The following REEP3 variants were observed in gnomAD, a reference collection of about 807,000 sequenced individuals.
The protein encoded by REEP3 is receptor expression-enhancing protein 3.
A neutral mutation model predicts 41.3 loss-of-function variants in REEP3; 20 were observed. That is an observed-to-expected ratio of 0.48 (90% CI 0.34 to 0.70). The LOEUF is 0.70. Among genes scored for constraint, REEP3 ranks in the 30% least tolerant of loss-of-function variants. REEP3 has a pLI of 0.01. For missense variants in REEP3, 271 were observed against 308.8 expected (o/e 0.88, Z 0.92); for synonymous variants, 104 against 101.8 (o/e 1.02, Z -0.13).
chr10:63,592,431 G>A (rs955383480), intron 2 of REEP3, among the ~76,000 whole-genome samples: 2 of 152,052 alleles, frequency 1.3e-5, no homozygotes, highest in African/African-American at 4.8e-5. Context: ...GTATTTACAG[G>A]GTTTTTTGTT....
At chr10:63,618,013 C>T (rs1352522895) in intron 6 of REEP3, among the ~76,000 whole-genome samples, 4 of 150,778 alleles carry the variant, frequency 2.7e-5, no homozygotes, top group East Asian at 2.0e-4. Flanking sequence ...TTAGTAGAGT[C>T]GGGTGTTTCA....
At chr10:63,537,201 G>A (rs1955482822) in intron 1 of REEP3, among the ~76,000 whole-genome samples, 2 of 152,152 alleles carry the variant, frequency 1.3e-5, no homozygotes, top group Admixed American at 1.3e-4. Context: ...CAACTTGGAT[G>A]ACCGTTAGGA....
In REEP3 at chr10:63,624,298, T is replaced by G. The variant is rs1956379370; in HGVS notation, c.*3429T>G. The G allele has an allele frequency of 6.6e-6, 1 of 152,090 alleles. No homozygotes were observed. Among genetic ancestry groups the G allele is most frequent in the Non-Finnish European group, 1.5e-5 (1 of 67,944 alleles). 9.4% of individuals were successfully genotyped at this position (152,090 alleles called of 1,614,324 possible). A position where few individuals can be genotyped will look rare whatever the true frequency, so the allele number is the denominator to read the frequency against. ...AAGATTAAATTTTTCAGAAAGAAAA[T>G]TATAGCTTTTTTCCCAAAATATTTT... On this transcript the variant is annotated 3_prime_UTR_variant, in exon 8 of 8. Coordinates refer to ENST00000373758, the MANE Select transcript of REEP3 (RefSeq NM_001001330.3).
At chr10:63,544,851 T>C (rs2133354637) in intron 1 of REEP3, among the ~76,000 whole-genome samples, 1 of 152,324 alleles carries the variant, frequency 6.6e-6, no homozygotes, top group East Asian at 1.9e-4. Flanking sequence ...GTTAAGATTT[T>C]GAGAAGACGA....
chr10:63,528,282 T>G (rs1955385687), intron 1 of REEP3, among the ~76,000 whole-genome samples: 1 of 152,046 alleles, frequency 6.6e-6, no homozygotes, highest in African/African-American at 2.4e-5. Context: ...TCTGGCAGCT[T>G]TCCCCCACTC....
At chr10:63,567,699 A>G (rs1340287729) in intron 2 of REEP3, among the ~76,000 whole-genome samples, 1 of 152,168 alleles carries the variant, frequency 6.6e-6, no homozygotes, top group Non-Finnish European at 1.5e-5. Flanking sequence ...TTTGGGATAT[A>G]TAGCTGTGGT....
At chr10:63,575,029 T>C (rs1955886413) in intron 2 of REEP3, among the ~76,000 whole-genome samples, 1 of 151,880 alleles carries the variant, frequency 6.6e-6, no homozygotes, top group African/African-American at 2.4e-5. Flanking sequence ...GCTAATTTTG[T>C]ATTTTTAGAA....
intron 2 of REEP3, among the ~76,000 whole-genome samples, chr10:63,592,044 G>A (rs947115205): frequency 1.3e-5 from 2 of 152,204 alleles, no homozygotes; most frequent in Non-Finnish European, 2.9e-5. Flanking sequence ...TTTCTGTGAA[G>A]TGAGCCATAT....
chr10:63,611,861 G>T (rs368287504), intron 6 of REEP3, among the ~76,000 whole-genome samples: 2 of 149,784 alleles, frequency 1.3e-5, no homozygotes, highest in East Asian at 3.9e-4. Context: ...AATCACTTGA[G>T]CCCAGGAAGT....
chr10:63,600,198 A>G (rs956182027), intron 5 of REEP3, among the ~76,000 whole-genome samples: 3 of 152,178 alleles, frequency 2.0e-5, no homozygotes, highest in African/African-American at 7.2e-5. Flanking sequence ...TAAATATTCC[A>G]GTTGAGTGGT....
At chr10:63,560,854 A>T (rs1341330061) in intron 1 of REEP3, among the ~76,000 whole-genome samples, 1 of 152,120 alleles carries the variant, frequency 6.6e-6, no homozygotes, top group East Asian at 1.9e-4. Flanking sequence ...TCTACAGTAG[A>T]CCCCAGTGTT....
At chr10:63,599,838 T>G (rs1269404656) in intron 5 of REEP3, 1 of 216,180 alleles carries the variant, frequency 4.6e-6, no homozygotes, top group African/African-American at 2.4e-5. Context: ...TGTAAAAATT[T>G]GCATTATGGT....
rs71025187 is a variant in REEP3, at chr10:63,533,710, C to CTTTTTTTTTT, written c.32+12139_32+12148dup. ...GAAAGAGCCTTGGAAGTATGTAAAT[C>CTTTTTTTTTT]TTTTTTTTTTTTTTTGAGACGGAGT... On this transcript the variant is annotated intron_variant, in intron 1 of 7. Transcript: ENST00000373758. Among the ~76,000 whole-genome samples the CTTTTTTTTTT allele has an allele frequency of 1.7e-4, 17 of 101,118 alleles. 2 individuals carry two copies. Among genetic ancestry groups the CTTTTTTTTTT allele is most frequent in the South Asian group, 4.0e-4 (1 of 2,520 alleles). The allele number at this position is 101,118 out of a possible 152,430, so 66.3% of individuals were successfully genotyped here.
intron 1 of REEP3, among the ~76,000 whole-genome samples, chr10:63,547,122 A>T (rs1404320088): frequency 6.6e-6 from 1 of 151,458 alleles, no homozygotes; most frequent in African/African-American, 2.4e-5. Flanking sequence ...GGGTTTCACC[A>T]TGTTGGCCAG....
rs371274135 is a variant in REEP3, at chr10:63,621,767, A to G, written c.*898A>G. On this transcript the variant is annotated 3_prime_UTR_variant, in exon 8 of 8. Transcript: ENST00000373758. ...AACACCAATTACATTTTCAGCTTTTAAAAATGGTAGCTTTTGTGAAATAGA... is the reference window on the plus strand; with the variant it reads ...AACACCAATTACATTTTCAGCTTTTGAAAATGGTAGCTTTTGTGAAATAGA... The G allele has an allele frequency of 1.4e-4, 22 of 152,398 alleles. 1 individual carries two copies. The highest frequency in any genetic ancestry group is 5.3e-4 in the African/African-American group (22 of 41,592). The allele number at this position is 152,398 out of a possible 1,614,324, so 9.4% of individuals were successfully genotyped here. A position where few individuals can be genotyped will look rare whatever the true frequency, so the allele number is the denominator to read the frequency against.
chr10:63,549,731 G>T (rs1444281218), intron 1 of REEP3, among the ~76,000 whole-genome samples: 1 of 152,206 alleles, frequency 6.6e-6, no homozygotes, highest in African/African-American at 2.4e-5. Flanking sequence ...GAATTAAACA[G>T]TTAAGTAAAT....
At chr10:63,594,229 C>CAA (rs66606088) in intron 2 of REEP3, among the ~76,000 whole-genome samples, 3 of 146,656 alleles carry the variant, frequency 2.0e-5, no homozygotes, top group Admixed American at 1.4e-4. Flanking sequence ...AAAAAAAAAC[C>CAA]AAAAAAAATT....
intron 1 of REEP3, among the ~76,000 whole-genome samples, chr10:63,540,214 A>C (rs1341141580): frequency 1.3e-5 from 2 of 152,248 alleles, no homozygotes; most frequent in African/African-American, 4.8e-5. Flanking sequence ...GGATTTTATT[A>C]CAACATTCTC....
In REEP3 at chr10:63,566,401, G is replaced by A. The variant is rs1265408800; in HGVS notation, c.96G>A (p.Val32=). The A allele has an allele frequency of 1.3e-6, 2 of 1,514,576 alleles. No homozygotes were observed. The highest frequency in any genetic ancestry group is 2.4e-5 in the South Asian group (2 of 83,026). The allele number at this position is 1,514,576 out of a possible 1,614,324, so 93.8% of individuals were successfully genotyped here. Residue 32 remains valine, a synonymous_variant, in exon 2 of 8, where the codon GTG becomes GTA. Transcript: ENST00000373758. Reference sequence around the variant, plus strand: ...ACAAAGCTGTGAAAACAAAAAACGTGAAGGAATATGTAAGTATAGTTTTAT... The same window carrying A: ...ACAAAGCTGTGAAAACAAAAAACGTAAAGGAATATGTAAGTATAGTTTTAT... ...YSYKAVKTKN[V]KEYVRWMMYW...
Sources: gnomAD v4.1 joint callset for allele counts (sites outside exome capture counted in the v4.1 genomes callset) on GRCh38, gnomAD v4.1.1 for gene constraint, MANE v1.5 for transcripts, NCBI Gene and HGNC (gene_info 2026-07-23, HGNC 2026-07-21) for gene names.